RNF185: variants seen among roughly 807,000 people sequenced by gnomAD.
RNF185 encodes the protein ring finger protein 185, also known as E3 ubiquitin-protein ligase RNF185.
RNF185 carries 13 observed loss-of-function variants against 24.9 expected under a neutral mutation model. The ratio of observed to expected loss-of-function variants is 0.52; its 90% CI spans 0.34 to 0.83. The LOEUF (loss-of-function observed/expected upper bound fraction) is 0.83, where lower values mean the gene tolerates loss of function less well. Ranked by LOEUF, RNF185 falls within the 40% of genes least tolerant of loss-of-function variation. RNF185 has a pLI of 0.01. For synonymous variants in RNF185, 79 were observed against 90.3 expected (o/e 0.88, Z 0.71); for missense variants, 184 against 244.7 (o/e 0.75, Z 1.65).
chr22:31,174,677 C>A (rs1602799044), intron 1 of RNF185, among the ~76,000 whole-genome samples: 1 of 151,970 alleles, frequency 6.6e-6, no homozygotes, highest in Non-Finnish European at 1.5e-5. Flanking sequence ...CATTCTTGTC[C>A]TCCATTTTGT....
chr22:31,196,369 G>C (rs2048206092), intron 4 of RNF185, among the ~76,000 whole-genome samples: 1 of 152,060 alleles, frequency 6.6e-6, no homozygotes, highest in South Asian at 2.1e-4. Context: ...TCAAGGGTTG[G>C]GTCTGTCATC....
intron 1 of RNF185, among the ~76,000 whole-genome samples, chr22:31,184,094 G>A (rs933568816): frequency 6.6e-6 from 1 of 150,986 alleles, no homozygotes; most frequent in African/African-American, 2.4e-5. Context: ...GGCTGGCCGG[G>A]CGGGGGCTGC....
intron 1 of RNF185, among the ~76,000 whole-genome samples, chr22:31,177,339 A>G (rs541339421): frequency 1.3e-5 from 2 of 152,158 alleles, no homozygotes; most frequent in Admixed American, 1.3e-4. Context: ...TAGGAAGATT[A>G]GAGGGAACCA....
At chr22:31,202,789 A>G (rs1319729388) in intron 6 of RNF185, among the ~76,000 whole-genome samples, 1 of 150,938 alleles carries the variant, frequency 6.6e-6, no homozygotes, top group African/African-American at 2.4e-5. Context: ...ATTTTTTTGT[A>G]TTTTTTTGTA....
chr22:31,192,505 C>T lies in RNF185; in HGVS notation c.177-179C>T, dbSNP rs34541395. ...TTTACCCCAGTTTTTTTTTAATTTCCGATACCAGTAATCCCTACAGAACCT... is the reference window on the plus strand; with the variant it reads ...TTTACCCCAGTTTTTTTTTAATTTCTGATACCAGTAATCCCTACAGAACCT... On this transcript the variant is annotated intron_variant, in intron 2 of 6. Coordinates refer to ENST00000326132, the MANE Select transcript of RNF185 (RefSeq NM_152267.4). Among the ~76,000 whole-genome samples, 4,623 of 151,934 alleles carry T rather than the reference C, an allele frequency of 0.03. 124 individuals are homozygous for T. Among genetic ancestry groups the T allele is most frequent in the Non-Finnish European group, 0.044 (3,003 of 67,946 alleles).
intron 4 of RNF185, 104 bp downstream of exon 4, chr22:31,195,685 T>C (rs558530630): frequency 6.8e-6 from 5 of 731,888 alleles, no homozygotes; most frequent in Non-Finnish European, 1.1e-5. Context: ...CTAGATGATC[T>C]CTTGGTTTCG....
At chr22:31,204,142 A>G (rs2048291424) in intron 6 of RNF185, among the ~76,000 whole-genome samples, 1 of 151,730 alleles carries the variant, frequency 6.6e-6, no homozygotes, top group South Asian at 2.1e-4. Context: ...CAGGAGTTCG[A>G]GACCAGCCTG....
At position 31,206,126 on chromosome 22, in the gene RNF185, T is replaced by A. The variant is rs1185698506; in HGVS notation, c.*1540T>A. On this transcript the variant is annotated 3_prime_UTR_variant, in exon 7 of 7. Transcript: ENST00000326132. Reference sequence around the variant, plus strand: ...AATGGTAGGAAGCCCCATCTATTGCTTTTTCTCAATTATGACTGCATAGTT... The same window carrying A: ...AATGGTAGGAAGCCCCATCTATTGCATTTTCTCAATTATGACTGCATAGTT... The A allele has an allele frequency of 1.9e-5, 3 of 154,334 alleles. No individual in the cohort carries two copies. The highest frequency in any genetic ancestry group is 7.2e-5 in the African/African-American group (3 of 41,470). The allele number at this position is 154,334 out of a possible 1,614,324, so 9.6% of individuals were successfully genotyped here.
At chr22:31,163,134 A>T (rs1025955288) in intron 1 of RNF185, among the ~76,000 whole-genome samples, 1 of 152,222 alleles carries the variant, frequency 6.6e-6, no homozygotes, top group Admixed American at 6.5e-5. Flanking sequence ...TTACAGGAAG[A>T]TAAAATTTCA....
At chr22:31,195,225 T>G (rs1265212214) in intron 3 of RNF185, among the ~76,000 whole-genome samples, 2 of 152,188 alleles carry the variant, frequency 1.3e-5, no homozygotes, top group Non-Finnish European at 2.9e-5. Flanking sequence ...AGCGCTGGGA[T>G]TACAGGCATG....
intron 3 of RNF185, among the ~76,000 whole-genome samples, chr22:31,194,145 G>A (rs1031969645): frequency 2.6e-5 from 4 of 151,818 alleles, no homozygotes; most frequent in South Asian, 2.1e-4. Flanking sequence ...TGATCCACCC[G>A]CCTCAGCTTC....
At chr22:31,199,520 C>T (rs747346950) in intron 5 of RNF185, among the ~76,000 whole-genome samples, 1 of 152,234 alleles carries the variant, frequency 6.6e-6, no homozygotes, top group African/African-American at 2.4e-5. Flanking sequence ...CCTGCAGCTA[C>T]TAGCGATGTT....
chr22:31,179,096 A>C (rs897667695), intron 1 of RNF185, among the ~76,000 whole-genome samples: 3 of 152,220 alleles, frequency 2.0e-5, no homozygotes, highest in African/African-American at 7.2e-5. Flanking sequence ...TCAGGAGAAA[A>C]GAATGGTCAG....
intron 1 of RNF185, among the ~76,000 whole-genome samples, chr22:31,180,391 G>A (rs565248635): frequency 8.7e-4 from 130 of 150,018 alleles, no homozygotes; most frequent in Middle Eastern, 3.5e-3. Context: ...CTTGAACCCG[G>A]GAGGTGGAGG....
At chr22:31,196,906 T>C in intron 4 of RNF185, 30 bp from the exon 5 acceptor site, 1 of 1,610,640 alleles carries the variant, frequency 6.2e-7, no homozygotes, top group Non-Finnish European at 8.5e-7. Flanking sequence ...CAATTTGTAA[T>C]AGACTTATTT....
intron 1 of RNF185, among the ~76,000 whole-genome samples, chr22:31,168,335 T>C (rs1373215424): frequency 6.6e-6 from 1 of 152,202 alleles, no homozygotes; most frequent in East Asian, 1.9e-4. Flanking sequence ...TTTGTCTTCC[T>C]TTGACTGACT....
intron 3 of RNF185, among the ~76,000 whole-genome samples, chr22:31,193,317 G>A (rs559757239): frequency 6.6e-6 from 1 of 152,288 alleles, no homozygotes; most frequent in East Asian, 1.9e-4. Flanking sequence ...AAGAAGGTGG[G>A]AACAGGGCTG....
rs143468546 is a variant in RNF185 at position 31,187,126 on chromosome 22, C to T, written c.32C>T (p.Ser11Phe). 1.2e-6 allele frequency: 2 copies of T among 1,611,344 alleles called. No homozygotes were observed. The highest frequency in any genetic ancestry group is 2.2e-5 in the East Asian group (1 of 44,512). ...AGCAAGGGGCCCTCGGCCTCTGCATCTCCTGAGAACTCCAGTGCAGGGGGG... is the reference window on the plus strand; with the variant it reads ...AGCAAGGGGCCCTCGGCCTCTGCATTTCCTGAGAACTCCAGTGCAGGGGGG... MASKGPSASA[S>F]PENSSAGGPS... The change falls in exon 2 of 7, where the codon TCT (serine) becomes TTT (phenylalanine). Residue 11 changes from serine (S) to phenylalanine (F), a missense_variant. Coordinates refer to ENST00000326132, the MANE Select transcript of RNF185 (RefSeq NM_152267.4).
At chr22:31,174,958 A>G (rs1313523395) in intron 1 of RNF185, among the ~76,000 whole-genome samples, 2 of 151,838 alleles carry the variant, frequency 1.3e-5, no homozygotes, top group African/African-American at 2.4e-5. Flanking sequence ...CTGTAATCCT[A>G]GCTACTTGGG....
Sources: gnomAD v4.1 joint callset for allele counts (sites outside exome capture counted in the v4.1 genomes callset) on GRCh38, gnomAD v4.1.1 for gene constraint, MANE v1.5 for transcripts, NCBI Gene and HGNC (gene_info 2026-07-23, HGNC 2026-07-21) for gene names.